Variants in RBBP7 observed in about 807,000 individuals in gnomAD.
RBBP7 encodes the protein RB binding protein 7, chromatin remodeling factor, also known as histone-binding protein RBBP7.
In RBBP7, 5 loss-of-function variants were observed where a neutral mutation model predicts 35.2. The ratio of observed to expected loss-of-function variants is 0.14; its 90% CI spans 0.07 to 0.30. The LOEUF (loss-of-function observed/expected upper bound fraction) is 0.30. Ranked by LOEUF, RBBP7 falls within the 10% of genes least tolerant of loss-of-function variation. The pLI is 1.00. For synonymous variants in RBBP7, 140 were observed against 118.7 expected, an observed-to-expected ratio of 1.18 and a Z score of -1.17; for missense variants, 155 against 327.5, an observed-to-expected ratio of 0.47 and a Z score of 4.07.
intron 2 of RBBP7, among the ~76,000 whole-genome samples, chrX:16,865,351 T>C (rs1191430597): frequency 8.9e-6 from 1 of 111,994 alleles, no homozygotes; most frequent in Non-Finnish European, 1.9e-5. Context: ...AAAAAGTCAC[T>C]TGTTTTTTGT....
chrX:16,865,238 A>G (rs771454439), intron 2 of RBBP7, among the ~76,000 whole-genome samples: 4 of 110,462 alleles, frequency 3.6e-5, no homozygotes, highest in African/African-American at 9.9e-5. Flanking sequence ...CAAAAAACAC[A>G]AAAACAAAAA....
rs1345203425 is a variant in RBBP7 at position 16,851,594 on chromosome X, C to T, written c.1040+452G>A. 2.7e-5 allele frequency among the ~76,000 whole-genome samples: 3 copies of T among 111,867 alleles called. No homozygotes were observed. In the Admixed American group the frequency reaches 2.8e-4, roughly 11 times the overall value. On this transcript the variant is annotated intron_variant, in intron 9 of 11. Transcript: ENST00000380087. Reference sequence around the variant, plus strand: ...GTCCTTGTCCCCTTCACAAAGGTCTCCCCAGCAGTTACACAACCCACAGCA... The same window carrying T: ...GTCCTTGTCCCCTTCACAAAGGTCTTCCCAGCAGTTACACAACCCACAGCA...
Position 16,870,090 on chromosome X carries a change from G to A in RBBP7, c.-37C>T. 9.2e-7 allele frequency: 1 copy of A among 1,082,251 alleles called. No individual in the cohort carries two copies. The highest frequency in any genetic ancestry group is 2.3e-5 in the South Asian group (1 of 43,859). 89.2% of individuals were successfully genotyped at this position (1,082,251 alleles called of 1,213,427 possible). On this transcript the variant is annotated 5_prime_UTR_variant, in exon 1 of 12. Transcript: ENST00000380087. ...TCGTTCGCCCCTCGCCGCCGCCTCG[G>A]ACTCCTCTCGTTAGCCAAGAGCAGC... is the stretch of plus-strand genomic sequence containing the variant.
intron 9 of RBBP7, among the ~76,000 whole-genome samples, chrX:16,851,844 G>C (rs918239924): frequency 8.9e-6 from 1 of 112,503 alleles, no homozygotes; most frequent in Non-Finnish European, 1.9e-5. Context: ...ACTCACACTA[G>C]AGAAATTTAT....
At chrX:16,869,700 G>T in intron 1 of RBBP7, 1 of 1,015,389 alleles carries the variant, frequency 9.8e-7, no homozygotes, top group South Asian at 3.5e-5. Flanking sequence ...CGGTCAACGC[G>T]CGCGCGCGCG....
At chrX:16,863,193 T>A (rs972819872) in intron 2 of RBBP7, 93 bp from the exon 3 acceptor site, 33 of 901,711 alleles carry the variant, frequency 3.7e-5, no homozygotes, top group Admixed American at 5.5e-5. Flanking sequence ...ACATTCATAT[T>A]TCTTTAGCAA....
intron 2 of RBBP7, 152 bp from the exon 3 acceptor site, chrX:16,863,252 C>T: frequency 2.0e-6 from 1 of 511,877 alleles, no homozygotes; most frequent in Non-Finnish European, 3.2e-6. Flanking sequence ...TGGTTACCAA[C>T]TTTACAATCC....
intron 1 of RBBP7, chrX:16,869,768 G>C: frequency 1.1e-6 from 1 of 949,444 alleles, no homozygotes; most frequent in Non-Finnish European, 1.3e-6. Flanking sequence ...CCCCGGGGCC[G>C]AGGGCGCCGG....
Position 16,846,184 on chromosome X carries a change from C to A in RBBP7, c.1099-246G>T, listed in dbSNP as rs1226941832. ...CTTTACCTAGATTCACCAAGTGATA[C>A]TAGCATAACTGATGCTTTATCCATG... On this transcript the variant is annotated intron_variant, in intron 10 of 11. Coordinates refer to ENST00000380087, the MANE Select transcript of RBBP7 (RefSeq NM_002893.4). 4 of 277,900 alleles carry A rather than the reference C, an allele frequency of 1.4e-5. No homozygotes were observed. The Admixed American group carries it at 2.0e-4, about 14-fold the overall frequency. 22.9% of individuals were successfully genotyped at this position (277,900 alleles called of 1,213,427 possible).
chrX:16,852,387 T>C lies in RBBP7; in HGVS notation c.963+164A>G, dbSNP rs1930230146. On this transcript the variant is annotated intron_variant, in intron 8 of 11. Transcript: ENST00000380087. Reference sequence around the variant, plus strand: ...CGACCCCATAACCATCCCAGAAGCTTTTTAATTCTTCAACAAGGTGTACCT... The same window carrying C: ...CGACCCCATAACCATCCCAGAAGCTCTTTAATTCTTCAACAAGGTGTACCT... 1.9e-5 allele frequency: 12 copies of C among 620,159 alleles called. No homozygotes were observed. The East Asian group carries it at 3.7e-4, about 19-fold the overall frequency. The allele number at this position is 620,159 out of a possible 1,213,427, so 51.1% of individuals were successfully genotyped here. A position where few individuals can be genotyped will look rare whatever the true frequency, so the allele number is the denominator to read the frequency against.
intron 2 of RBBP7, among the ~76,000 whole-genome samples, chrX:16,866,481 G>C (rs1162620699): frequency 1.2e-5 from 1 of 86,286 alleles, no homozygotes; most frequent in African/African-American, 4.5e-5. Flanking sequence ...AGCCAAGATG[G>C]TGCCACTGCA....
chrX:16,869,667 G>A, intron 1 of RBBP7: 4 of 1,083,288 alleles, frequency 3.7e-6, no homozygotes, highest in South Asian at 2.6e-5. Context: ...AGCAACCCCC[G>A]GACAAGGGCC....
intron 5 of RBBP7, 118 bp downstream of exon 5, chrX:16,857,476 C>T (rs1440074225): frequency 1.1e-5 from 12 of 1,082,399 alleles, no homozygotes; most frequent in Non-Finnish European, 1.4e-5. Context: ...GGGAATGTTA[C>T]CACAATAATC....
At chrX:16,869,965 G>C (rs1278314074) in intron 1 of RBBP7, 73 bp downstream of exon 1, 26 of 748,958 alleles carry the variant, frequency 3.5e-5, no homozygotes, top group East Asian at 1.6e-4. Context: ...GCCTTTCGCC[G>C]GCGCGTGCCG....
chrX:16,865,237 C>T, intron 2 of RBBP7, among the ~76,000 whole-genome samples: 1 of 109,684 alleles, frequency 9.1e-6, no homozygotes, highest in East Asian at 2.8e-4. Flanking sequence ...ACAAAAAACA[C>T]AAAAACAAAA....
At chrX:16,860,180 T>C (rs1297741902) in intron 3 of RBBP7, among the ~76,000 whole-genome samples, 1 of 104,275 alleles carries the variant, frequency 9.6e-6, no homozygotes, top group East Asian at 3.1e-4. Flanking sequence ...CAACATCCCA[T>C]TCCATGGACT....
intron 11 of RBBP7, among the ~76,000 whole-genome samples, 173 bp from the exon 12 acceptor site, chrX:16,845,276 T>G: frequency 8.9e-6 from 1 of 112,483 alleles, no homozygotes; most frequent in East Asian, 2.8e-4. Flanking sequence ...TCTTTGCCAG[T>G]GTGTAATTCC....
intron 11 of RBBP7, 26 bp from the exon 12 acceptor site, chrX:16,845,129 G>A: frequency 9.3e-7 from 1 of 1,070,087 alleles, no homozygotes; most frequent in East Asian, 3.0e-5. Context: ...TAAATTCACA[G>A]GTAAAAACTC....
intron 2 of RBBP7, among the ~76,000 whole-genome samples, chrX:16,864,990 TA>T (rs1930575096): frequency 1.1e-5 from 1 of 94,166 alleles, no homozygotes; most frequent in Non-Finnish European, 2.0e-5. Context: ...TACCAGCTAC[TA>T]GGGCTACTAC....
Sources: allele counts gnomAD v4.1 joint callset (sites outside exome capture counted in the v4.1 genomes callset), GRCh38; gene constraint gnomAD v4.1.1; transcripts MANE v1.5; gene names NCBI Gene and HGNC (gene_info 2026-07-23, HGNC 2026-07-21).